HSPA4L: variants seen among roughly 807,000 people sequenced by gnomAD.
HSPA4L encodes heat shock protein family A (Hsp70) member 4 like.
HSPA4L carries 48 observed loss-of-function variants against 100.3 expected under a neutral mutation model. The observed-to-expected ratio is 0.48, with a 90% CI of 0.38 to 0.61. The LOEUF (loss-of-function observed/expected upper bound fraction) is 0.61, where lower values mean the gene tolerates loss of function less well. Ranked by LOEUF, HSPA4L falls within the 20% of genes least tolerant of loss-of-function variation. HSPA4L has a pLI of 0.00. For synonymous variants in HSPA4L, 319 were observed against 328.2 expected (o/e 0.97, Z 0.30); for missense variants, 886 against 988.6 (o/e 0.90, Z 1.39).
At chr4:127,785,760 G>A (rs1336911492) in intron 1 of HSPA4L, among the ~76,000 whole-genome samples, 1 of 152,032 alleles carries the variant, frequency 6.6e-6, no homozygotes, top group Admixed American at 6.6e-5. Flanking sequence ...CTTTTTCTAT[G>A]TAAAACATAC....
upstream of HSPA4L, chr4:127,782,303 T>C (rs1377675945): frequency 6.2e-6 from 3 of 484,520 alleles, no homozygotes; most frequent in South Asian, 4.4e-5. Flanking sequence ...TAACCGCCGG[T>C]TGGAGGCGGC....
At position 127,782,629 on chromosome 4, in the gene HSPA4L, G is replaced by T. The variant is rs1183784646; in HGVS notation, c.79G>T (p.Ala27Ser). ...GAGAAGTGGCGGCATCGAGACCATC[G>T]CCAATGAGTACAGCGACAGGTGTAC... is the stretch of plus-strand genomic sequence containing the variant. ...VARSGGIETI[A>S]NEYSDRCTPA... Residue 27 changes from alanine to serine, a missense_variant, in exon 1 of 19, where the codon GCC becomes TCC. Physicochemically the swap from Ala to Ser is moderately conservative, Grantham distance 99. Coordinates refer to ENST00000296464, the MANE Select transcript of HSPA4L (RefSeq NM_014278.4). 1 of 1,613,526 alleles carries T rather than the reference G, an allele frequency of 6.2e-7. No individual in the cohort carries two copies. The highest frequency in any genetic ancestry group is 1.1e-5 in the South Asian group (1 of 90,950).
upstream of HSPA4L, chr4:127,782,014 G>A (rs893729995): frequency 1.1e-5 from 5 of 453,828 alleles, no homozygotes; most frequent in African/African-American, 2.0e-5. Flanking sequence ...CTCTCACCTA[G>A]CCCGACCGCC....
chr4:127,801,950 T>C (rs775526474), intron 6 of HSPA4L, 32 bp downstream of exon 6: 5 of 1,550,896 alleles, frequency 3.2e-6, no homozygotes, highest in Admixed American at 1.9e-5. Context: ...TATATTTACA[T>C]ATGTTAAGAA....
intron 4 of HSPA4L, among the ~76,000 whole-genome samples, chr4:127,798,945 G>A (rs1470373861): frequency 1.3e-5 from 2 of 152,140 alleles, no homozygotes; most frequent in African/African-American, 4.8e-5. Context: ...ACTAGTGACT[G>A]CTGCTATCTG....
Position 127,827,345 on chromosome 4 carries a change from A to AT in HSPA4L, c.2087_2088insT (p.Glu696AspfsTer9). ...ATTCAAATGAAGTACATGGAGCATG[A>AT]AGAGAGACCAAAAGCCTTAAATGAC... On this transcript the variant is annotated frameshift_variant, in exon 17 of 19. Coordinates refer to ENST00000296464, the MANE Select transcript of HSPA4L (RefSeq NM_014278.4). LOFTEE classifies it high-confidence loss of function. 4.3e-6 allele frequency: 7 copies of AT among 1,613,704 alleles called. No homozygotes were observed. Among genetic ancestry groups the AT allele is most frequent in the Non-Finnish European group, 5.9e-6 (7 of 1,179,662 alleles).
chr4:127,826,344 G>A (rs1403526721), intron 16 of HSPA4L, among the ~76,000 whole-genome samples: 1 of 152,028 alleles, frequency 6.6e-6, no homozygotes, highest in African/African-American at 2.4e-5. Context: ...TGAGGCTGCA[G>A]TAAGCTGTCG....
chr4:127,837,378 A>AT lies in HSPA4L; in HGVS notation c.*4505dup, dbSNP rs1232518241. ...TAATGAGAGGCACAGCTAATTGTAC[A>AT]TATCAATATACATTTAAAATCTGGT... On this transcript the variant is annotated 3_prime_UTR_variant, in exon 19 of 19. Transcript: ENST00000296464. The AT allele has an allele frequency of 1.3e-5, 2 of 152,254 alleles. No individual in the cohort carries two copies. The highest frequency in any genetic ancestry group is 4.8e-5 in the African/African-American group (2 of 41,476). The allele number at this position is 152,254 out of a possible 1,614,324, so 9.4% of individuals were successfully genotyped here. A position where few individuals can be genotyped will look rare whatever the true frequency, so the allele number is the denominator to read the frequency against.
At chr4:127,802,709 T>G (rs1386300487) in intron 6 of HSPA4L, among the ~76,000 whole-genome samples, 3 of 152,306 alleles carry the variant, frequency 2.0e-5, no homozygotes, top group South Asian at 2.1e-4. Context: ...ATAGCCCTTC[T>G]TCCAAAATAC....
chr4:127,823,745 T>C, intron 16 of HSPA4L, 121 bp downstream of exon 16: 1 of 618,186 alleles, frequency 1.6e-6, no homozygotes, highest in South Asian at 2.2e-5. Flanking sequence ...AAATTGTATA[T>C]ATTTGTGGTG....
At chr4:127,830,824 T>C (rs1173891191) in intron 18 of HSPA4L, 25 bp downstream of exon 18, 1 of 1,483,904 alleles carries the variant, frequency 6.7e-7, no homozygotes, top group East Asian at 2.5e-5. Context: ...AAATTGCCTT[T>C]TTAATGGTTT....
At chr4:127,798,415 C>T (rs1328983316) in intron 3 of HSPA4L, among the ~76,000 whole-genome samples, 172 bp from the exon 4 acceptor site, 3 of 152,154 alleles carry the variant, frequency 2.0e-5, no homozygotes, top group Non-Finnish European at 2.9e-5. Flanking sequence ...GACATAGTCA[C>T]TGTTTTTAAT....
chr4:127,802,068 G>A, intron 6 of HSPA4L, 150 bp downstream of exon 6: 1 of 541,282 alleles, frequency 1.8e-6, no homozygotes, highest in Non-Finnish European at 3.1e-6. Flanking sequence ...TTGTTTATCT[G>A]AGAACAACAG....
At chr4:127,828,312 C>T (rs1051195894) in intron 17 of HSPA4L, among the ~76,000 whole-genome samples, 2 of 152,078 alleles carry the variant, frequency 1.3e-5, no homozygotes, top group Non-Finnish European at 2.9e-5. Context: ...AAGAGACCAG[C>T]ACCAGAAATA....
At chr4:127,782,754 C>A in intron 1 of HSPA4L, 97 bp downstream of exon 1, 1 of 925,850 alleles carries the variant, frequency 1.1e-6, no homozygotes, top group South Asian at 1.8e-5. Flanking sequence ...CGGATTTTCC[C>A]CTAACGTGCG....
intron 18 of HSPA4L, among the ~76,000 whole-genome samples, chr4:127,831,592 C>T (rs1734084600): frequency 6.7e-6 from 1 of 149,770 alleles, no homozygotes; most frequent in South Asian, 2.1e-4. Flanking sequence ...CAACACTATG[C>T]AGCCATTAAA....
At chr4:127,823,686 A>T in intron 16 of HSPA4L, 62 bp downstream of exon 16, 1 of 932,846 alleles carries the variant, frequency 1.1e-6, no homozygotes, top group South Asian at 1.5e-5. Context: ...ATTAGGGTGT[A>T]AGAGCACAGT....
At chr4:127,792,891 G>A (rs1732915678) in intron 1 of HSPA4L, among the ~76,000 whole-genome samples, 1 of 152,168 alleles carries the variant, frequency 6.6e-6, no homozygotes. Context: ...TGTATTTTCT[G>A]AACACTTCAG....
At chr4:127,824,362 G>A (rs575775677) in intron 16 of HSPA4L, among the ~76,000 whole-genome samples, 1 of 152,282 alleles carries the variant, frequency 6.6e-6, no homozygotes, top group African/African-American at 2.4e-5. Flanking sequence ...ATACACAGTA[G>A]TGAGATTGCT....
Sources: gnomAD v4.1 joint callset for allele counts (sites outside exome capture counted in the v4.1 genomes callset) on GRCh38, gnomAD v4.1.1 for gene constraint, MANE v1.5 for transcripts, NCBI Gene and HGNC (gene_info 2026-07-23, HGNC 2026-07-21) for gene names.